The following CNOT6 variants were observed in gnomAD, a reference collection of about 807,000 sequenced individuals.
CNOT6 encodes CCR4-NOT transcription complex subunit 6, also known as carbon catabolite repression 4 protein.
In CNOT6, 12 loss-of-function variants were observed where a neutral mutation model predicts 61.2. The ratio of observed to expected loss-of-function variants is 0.20; its 90% CI spans 0.13 to 0.32. The LOEUF is 0.32. Ranked by LOEUF, CNOT6 falls within the 10% of genes least tolerant of loss-of-function variation. CNOT6 has a pLI of 1.00. For missense variants in CNOT6, 405 were observed against 663.9 expected (o/e 0.61, Z 4.28); for synonymous variants, 225 against 240.6 (o/e 0.94, Z 0.60).
chr5:180,550,666 A>C (rs899501656), intron 3 of CNOT6, among the ~76,000 whole-genome samples: 1 of 152,170 alleles, frequency 6.6e-6, no homozygotes, highest in African/African-American at 2.4e-5. Context: ...TGAATGAGAA[A>C]GTTTGGACAG....
At chr5:180,564,004 A>G (rs1329835765) in intron 4 of CNOT6, among the ~76,000 whole-genome samples, 1 of 152,110 alleles carries the variant, frequency 6.6e-6, no homozygotes, top group Non-Finnish European at 1.5e-5. Flanking sequence ...GTTCAGTATG[A>G]CTTTAAAAAA....
intron 1 of CNOT6, among the ~76,000 whole-genome samples, chr5:180,515,941 C>G (rs556538350): frequency 2.0e-5 from 3 of 152,190 alleles, no homozygotes; most frequent in Admixed American, 6.6e-5. Context: ...AGGGTCTCAC[C>G]GCGTTACCCA....
At chr5:180,570,741 C>G (rs1290392520) in intron 10 of CNOT6, among the ~76,000 whole-genome samples, 1 of 152,112 alleles carries the variant, frequency 6.6e-6, no homozygotes, top group African/African-American at 2.4e-5. Context: ...AAATACTTCA[C>G]CAGGGATGTG....
intron 1 of CNOT6, among the ~76,000 whole-genome samples, chr5:180,503,067 G>GA (rs1394304347): frequency 1.3e-5 from 2 of 151,850 alleles, no homozygotes; most frequent in Admixed American, 1.3e-4. Flanking sequence ...AGCCACTGAA[G>GA]AAAAAAAATG....
chr5:180,539,690 C>T (rs553293389), intron 2 of CNOT6, among the ~76,000 whole-genome samples: 6 of 147,292 alleles, frequency 4.1e-5, no homozygotes, highest in African/African-American at 1.5e-4. Context: ...CCCAGGTTCA[C>T]GCCATTCTCC....
intron 1 of CNOT6, among the ~76,000 whole-genome samples, chr5:180,495,189 T>G (rs1756548964): frequency 6.6e-6 from 1 of 152,172 alleles, no homozygotes. Context: ...GTGGCCACAA[T>G]TACTGTCAAG....
chr5:180,508,725 C>T (rs888784965), intron 1 of CNOT6, among the ~76,000 whole-genome samples: 4 of 152,092 alleles, frequency 2.6e-5, no homozygotes, highest in African/African-American at 9.7e-5. Flanking sequence ...AGAGCTCAAG[C>T]AATCCTTCCA....
intron 2 of CNOT6, among the ~76,000 whole-genome samples, chr5:180,544,670 A>G (rs1333276276): frequency 6.6e-6 from 1 of 152,194 alleles, no homozygotes; most frequent in Non-Finnish European, 1.5e-5. Flanking sequence ...AAGGAGCTAT[A>G]CAAATTGGCA....
intron 4 of CNOT6, among the ~76,000 whole-genome samples, chr5:180,555,657 G>T (rs927094911): frequency 6.6e-6 from 1 of 152,128 alleles, no homozygotes; most frequent in Non-Finnish European, 1.5e-5. Context: ...GATCCGTTTG[G>T]GGGTAGAGCT....
chr5:180,504,457 C>T (rs1405575140), intron 1 of CNOT6, among the ~76,000 whole-genome samples: 1 of 152,144 alleles, frequency 6.6e-6, no homozygotes, highest in Non-Finnish European at 1.5e-5. Context: ...GACCAAGATT[C>T]CCACTAGATA....
intron 1 of CNOT6, among the ~76,000 whole-genome samples, chr5:180,511,125 A>G (rs1175214082): frequency 6.6e-6 from 1 of 151,190 alleles, no homozygotes; most frequent in Non-Finnish European, 1.5e-5. Flanking sequence ...TTTTTGGCAT[A>G]TGTTTGTAAT....
chr5:180,541,711 C>G (rs551122421), intron 2 of CNOT6, among the ~76,000 whole-genome samples: 90 of 151,952 alleles, frequency 5.9e-4, no homozygotes, highest in Admixed American at 1.0e-3. Context: ...CTCAGCCTCT[C>G]AAAGTGCTGG....
chr5:180,561,923 C>A (rs763136788), intron 4 of CNOT6, among the ~76,000 whole-genome samples: 9 of 152,250 alleles, frequency 5.9e-5, no homozygotes, highest in Admixed American at 1.3e-4. Flanking sequence ...ACCAGCCTCT[C>A]CACTTGCTCA....
intron 4 of CNOT6, among the ~76,000 whole-genome samples, chr5:180,556,872 C>T (rs1344985184): frequency 6.6e-6 from 1 of 151,700 alleles, no homozygotes; most frequent in South Asian, 2.1e-4. Context: ...GGGAGAATAG[C>T]GTGAACCTGG....
chr5:180,528,906 G>T (rs1758218257), intron 1 of CNOT6, among the ~76,000 whole-genome samples: 1 of 151,952 alleles, frequency 6.6e-6, no homozygotes, highest in African/African-American at 2.4e-5. Flanking sequence ...TTGTAATATG[G>T]GTGTCCACTT....
At chr5:180,520,806 G>T (rs990957144) in intron 1 of CNOT6, among the ~76,000 whole-genome samples, 1 of 151,830 alleles carries the variant, frequency 6.6e-6, no homozygotes, top group Non-Finnish European at 1.5e-5. Flanking sequence ...TTCCAAGAGT[G>T]TGTTTAACAT....
chr5:180,569,549 A>G (rs1760641632), intron 10 of CNOT6, among the ~76,000 whole-genome samples: 1 of 152,214 alleles, frequency 6.6e-6, no homozygotes, highest in African/African-American at 2.4e-5. Context: ...GATGTTAATC[A>G]TCTTGAATAA....
At position 180,577,604 on chromosome 5, in the gene CNOT6, A is replaced by G. The variant is rs1310066947; in HGVS notation, c.*3404A>G. ...TCACTTTGCTCTTCTTTTTGGTTAC[A>G]TACATTTTAATAACTGGTATGTTGA... On this transcript the variant is annotated 3_prime_UTR_variant, in exon 12 of 12. Transcript: ENST00000261951. The G allele has an allele frequency of 2.0e-5, 3 of 152,662 alleles. No individual in the cohort carries two copies. The highest frequency in any genetic ancestry group is 3.8e-4 in the East Asian group (2 of 5,200). 9.5% of individuals were successfully genotyped at this position (152,662 alleles called of 1,614,324 possible). A position where few individuals can be genotyped will look rare whatever the true frequency, so the allele number is the denominator to read the frequency against.
chr5:180,564,563 C>G lies in CNOT6; in HGVS notation c.460C>G (p.Leu154Val), dbSNP rs200257488. The stretch of plus-strand genomic sequence containing the variant: ...AACAAGACGGCTGCTGAACTATTTG[C>G]TTGATAATTTGTCAGGTACTGCAAA... The part of the protein sequence containing the change: ...DGTRRLLNYL[L>V]DNLSGTAKRI... The change falls in exon 5 of 12, where the codon CTT becomes GTT. Residue 154 changes from leucine to valine, a missense_variant. Physicochemically the swap from Leu to Val is conservative, Grantham distance 32. Transcript: ENST00000261951. 1.3e-4 allele frequency: 202 copies of G among 1,613,886 alleles called. 2 individuals are homozygous for G. Among genetic ancestry groups the G allele is most frequent in the Non-Finnish European group, 1.4e-5 (16 of 1,179,838 alleles).
Sources: gnomAD v4.1 joint callset for allele counts (sites outside exome capture counted in the v4.1 genomes callset) on GRCh38, gnomAD v4.1.1 for gene constraint, MANE v1.5 for transcripts, NCBI Gene and HGNC (gene_info 2026-07-23, HGNC 2026-07-21) for gene names.